The following GLG1 variants were observed in gnomAD, a reference collection of about 807,000 sequenced individuals.
The protein encoded by GLG1 is Golgi apparatus protein 1.
A neutral mutation model predicts 160.5 loss-of-function variants in GLG1; 38 were observed. That is an observed-to-expected ratio of 0.24 (90% CI 0.18 to 0.31). The LOEUF (loss-of-function observed/expected upper bound fraction) is 0.31, where lower values mean the gene tolerates loss of function less well. GLG1 is among the 10% of genes least tolerant of loss of function. The pLI, the probability that GLG1 is intolerant of heterozygous loss-of-function variation, is 1.00. For synonymous variants in GLG1, 644 were observed against 543.4 expected (o/e 1.19, Z -2.57); for missense variants, 1,373 against 1,505.2 (o/e 0.91, Z 1.45).
intron 3 of GLG1, among the ~76,000 whole-genome samples, chr16:74,506,216 C>T (rs1273719838): frequency 6.6e-6 from 1 of 151,210 alleles, no homozygotes; most frequent in African/African-American, 2.4e-5. Context: ...AGACTAGTGG[C>T]AGACACCCAC....
chr16:74,504,582 C>T (rs930107309), intron 3 of GLG1, among the ~76,000 whole-genome samples: 1 of 152,202 alleles, frequency 6.6e-6, no homozygotes, highest in African/African-American at 2.4e-5. Context: ...GCCACCTCAC[C>T]TGGCCTACTT....
At chr16:74,586,407 G>C (rs1297531434) in intron 1 of GLG1, among the ~76,000 whole-genome samples, 2 of 152,106 alleles carry the variant, frequency 1.3e-5, no homozygotes, top group Non-Finnish European at 2.9e-5. Flanking sequence ...TCAATTACAA[G>C]ACAAGTTGAC....
Position 74,496,611 on chromosome 16 carries a change from A to G in GLG1, c.808T>C (p.Leu270=). The change falls in exon 5 of 26, where the codon TTG becomes CTG. Residue 270 remains leucine (L), a synonymous_variant. Transcript: ENST00000422840. ...GCTTCTTTCACCAGGCCTTTCTCCA[A>G]GCATGATACCACCTCACCTTGTGAA... ...AHSQGEVVSC[L]EKGLVKEAEE... is the part of the protein sequence containing the mutation. 1 of 1,613,042 alleles carries G rather than the reference A, an allele frequency of 6.2e-7. No individual in the cohort carries two copies. The highest frequency in any genetic ancestry group is 2.2e-5 in the East Asian group (1 of 44,880).
intron 1 of GLG1, among the ~76,000 whole-genome samples, chr16:74,574,854 A>T (rs2018940636): frequency 8.1e-6 from 1 of 122,736 alleles, no homozygotes; most frequent in Non-Finnish European, 1.6e-5. Context: ...ACTGCACTCC[A>T]GCCTGGGTAA....
At chr16:74,469,192 C>A in intron 16 of GLG1, 129 bp from the exon 17 acceptor site, 1 of 661,248 alleles carries the variant, frequency 1.5e-6, no homozygotes. Flanking sequence ...TCCTGTAAGG[C>A]TCACTGTATT....
intron 1 of GLG1, among the ~76,000 whole-genome samples, chr16:74,603,308 G>T (rs910484858): frequency 6.6e-6 from 1 of 151,166 alleles, no homozygotes; most frequent in Admixed American, 6.6e-5. Context: ...TACTTGGGAC[G>T]CTGAGGCAGA....
intron 1 of GLG1, among the ~76,000 whole-genome samples, chr16:74,548,585 A>G (rs1453172483): frequency 1.3e-5 from 2 of 152,196 alleles, no homozygotes; most frequent in Admixed American, 1.3e-4. Context: ...ACTGACATCA[A>G]CAGCTTCTCC....
At chr16:74,594,246 A>G (rs1048701148) in intron 1 of GLG1, among the ~76,000 whole-genome samples, 8 of 152,190 alleles carry the variant, frequency 5.3e-5, no homozygotes, top group African/African-American at 1.9e-4. Flanking sequence ...AATTATTTTA[A>G]GAATTTGTTT....
chr16:74,538,761 G>T, intron 1 of GLG1, among the ~76,000 whole-genome samples: 1 of 143,066 alleles, frequency 7.0e-6, no homozygotes, highest in Non-Finnish European at 1.5e-5. Context: ...AAAAAGACAT[G>T]AGATACAGAA....
At chr16:74,459,854 C>A in intron 22 of GLG1, 65 bp from the exon 23 acceptor site, 1 of 642,610 alleles carries the variant, frequency 1.6e-6, no homozygotes, top group Non-Finnish European at 2.6e-6. Context: ...ACAGTTTCTT[C>A]TTTTTTTTTT....
intron 2 of GLG1, among the ~76,000 whole-genome samples, chr16:74,524,986 C>T (rs2017290478): frequency 6.6e-6 from 1 of 152,172 alleles, no homozygotes; most frequent in South Asian, 2.1e-4. Context: ...ATTAGTACTT[C>T]ATTTTTTTGC....
intron 1 of GLG1, among the ~76,000 whole-genome samples, chr16:74,565,942 T>G (rs142058292): frequency 6.6e-6 from 1 of 152,188 alleles, no homozygotes; most frequent in East Asian, 1.9e-4. Context: ...CACCATGCCT[T>G]CTTAGGCTCC....
chr16:74,454,446 C>T (rs998273873), intron 25 of GLG1, among the ~76,000 whole-genome samples: 2 of 150,822 alleles, frequency 1.3e-5, no homozygotes, highest in South Asian at 2.1e-4. Flanking sequence ...AGATGGTGGA[C>T]CATGAAGTCA....
chr16:74,517,152 G>C (rs2017004093), intron 2 of GLG1, among the ~76,000 whole-genome samples: 1 of 152,148 alleles, frequency 6.6e-6, no homozygotes, highest in African/African-American at 2.4e-5. Flanking sequence ...CATTCCTTCT[G>C]AAACTATTCC....
At chr16:74,603,041 G>C (rs1958478838) in intron 1 of GLG1, among the ~76,000 whole-genome samples, 1 of 151,950 alleles carries the variant, frequency 6.6e-6, no homozygotes, top group South Asian at 2.1e-4. Flanking sequence ...AGTGAGCCAA[G>C]ATTGTGCCAC....
chr16:74,481,695 C>A (rs891954018), intron 10 of GLG1, among the ~76,000 whole-genome samples: 1 of 152,156 alleles, frequency 6.6e-6, no homozygotes, highest in African/African-American at 2.4e-5. Flanking sequence ...AACACATGCA[C>A]ACACACACGT....
chr16:74,470,763 T>G (rs944601584), intron 15 of GLG1, among the ~76,000 whole-genome samples: 29 of 150,936 alleles, frequency 1.9e-4, no homozygotes, highest in African/African-American at 5.9e-4. Context: ...AAATGATTTT[T>G]TTGTTGTTGC....
At chr16:74,454,254 G>C (rs2014438236) in intron 25 of GLG1, among the ~76,000 whole-genome samples, 1 of 151,696 alleles carries the variant, frequency 6.6e-6, no homozygotes, top group African/African-American at 2.4e-5. Flanking sequence ...TGCCCAGGTT[G>C]GTGTACAGTG....
rs1491436581 is a variant in GLG1, at chr16:74,498,448, G to GTGTATATATATATATATATATATA, written c.775-1805_775-1804insTATATATATATATATATATATACA. Among the ~76,000 whole-genome samples the GTGTATATATATATATATATATATA allele has an allele frequency of 5.5e-3, 132 of 24,042 alleles. 15 individuals are homozygous for GTGTATATATATATATATATATATA. Among genetic ancestry groups the GTGTATATATATATATATATATATA allele is most frequent in the Middle Eastern group, 0.042 (1 of 24 alleles). 15.8% of individuals were successfully genotyped at this position (24,042 alleles called of 152,430 possible). ...GGCTCTGTCTCAAAAAAAAAAAAAAGTATATATATATATATATATTATATT... is the reference window on the plus strand; with the variant it reads ...GGCTCTGTCTCAAAAAAAAAAAAAAGTGTATATATATATATATATATATATATATATATATATATATATTATATT... On this transcript the variant is annotated intron_variant, in intron 4 of 25. Coordinates refer to ENST00000422840, the MANE Select transcript of GLG1 (RefSeq NM_001145667.2).
Sources: allele counts gnomAD v4.1 joint callset (sites outside exome capture counted in the v4.1 genomes callset), GRCh38; gene constraint gnomAD v4.1.1; transcripts MANE v1.5; gene names NCBI Gene and HGNC (gene_info 2026-07-23, HGNC 2026-07-21).